TRIM49B: variants seen among roughly 807,000 people sequenced by gnomAD.
TRIM49B encodes putative tripartite motif-containing protein 49B.
A neutral mutation model predicts 31.8 loss-of-function variants in TRIM49B; 18 were observed. The ratio of observed to expected loss-of-function variants is 0.57; its 90% CI spans 0.39 to 0.84. The LOEUF (loss-of-function observed/expected upper bound fraction) is 0.84. TRIM49B is among the 40% of genes least tolerant of loss of function. TRIM49B has a pLI of 0.00. For synonymous variants in TRIM49B, 196 were observed against 180.6 expected, an observed-to-expected ratio of 1.09 and a Z score of -0.68; for missense variants, 494 against 538.7, an observed-to-expected ratio of 0.92 and a Z score of 0.82.
At position 49,037,710 on chromosome 11, in the gene TRIM49B, G is replaced by T; in HGVS notation, c.1092G>T (p.Glu364Asp). ...GTGTCTGTAATATGTATTGGAAAGA[G>T]AAGAATCAGAATGAGAAGATAGATG... ...AFGVCNMYWKEKNQNEKIDGE... is the reference protein window; with the variant it reads ...AFGVCNMYWKDKNQNEKIDGE... Residue 364 changes from glutamate (E) to aspartate (D), a missense_variant, in exon 7 of 7, where the codon GAG (glutamate) becomes GAT (aspartate). Physicochemically the swap from Glu to Asp is conservative, Grantham distance 45. Coordinates refer to ENST00000332682, the MANE Select transcript of TRIM49B (RefSeq NM_001206626.2). 4 of 1,613,946 alleles carry T rather than the reference G, an allele frequency of 2.5e-6. No individual in the cohort carries two copies. The highest frequency in any genetic ancestry group is 3.4e-6 in the Non-Finnish European group (4 of 1,179,846).
chr11:49,036,037 TA>T (rs1854525070), intron 5 of TRIM49B, among the ~76,000 whole-genome samples: 1 of 150,200 alleles, frequency 6.7e-6, no homozygotes, highest in Non-Finnish European at 1.5e-5. Context: ...CGTTTCTAAA[TA>T]TTCTCAAGGC....
chr11:49,034,788 G>C (rs1318498416), intron 4 of TRIM49B, among the ~76,000 whole-genome samples: 2 of 152,158 alleles, frequency 1.3e-5, no homozygotes, highest in Non-Finnish European at 2.9e-5. Context: ...TTGGGTAACA[G>C]GTTCAGTTAA....
At chr11:49,032,165 G>A in intron 2 of TRIM49B, 111 bp from the exon 3 acceptor site, 2 of 1,600,532 alleles carry the variant, frequency 1.2e-6, no homozygotes, top group Non-Finnish European at 8.5e-7. Context: ...TGACAAACAT[G>A]AAGGGAAACA....
chr11:49,035,659 CT>C (rs1210903973), intron 5 of TRIM49B, among the ~76,000 whole-genome samples: 1 of 151,992 alleles, frequency 6.6e-6, no homozygotes, highest in Non-Finnish European at 1.5e-5. Context: ...CGCCCGGCCC[CT>C]GATTTTGTTT....
chr11:49,035,051 T>C (rs1251091776), intron 4 of TRIM49B, 44 bp from the exon 5 acceptor site: 1 of 1,605,068 alleles, frequency 6.2e-7, no homozygotes, highest in Non-Finnish European at 8.5e-7. Flanking sequence ...GAAAGATGCA[T>C]CTTGTGAAAT....
intron 4 of TRIM49B, 146 bp downstream of exon 4, chr11:49,034,522 A>C: frequency 1.9e-6 from 3 of 1,557,844 alleles, no homozygotes; most frequent in Non-Finnish European, 2.6e-6. Flanking sequence ...TTGTTGGGAG[A>C]GTATAGCCCC....
intron 5 of TRIM49B, 104 bp downstream of exon 5, chr11:49,035,221 G>A: frequency 1.3e-6 from 2 of 1,525,886 alleles, no homozygotes; most frequent in Admixed American, 2.1e-5. Flanking sequence ...AAATAATTAA[G>A]ATATTGATAC....
intron 1 of TRIM49B, among the ~76,000 whole-genome samples, chr11:49,030,997 C>CT (rs60069261): frequency 0.78 from 115,337 of 147,104 alleles, 45,371 homozygotes; most frequent in Non-Finnish European, 0.81. Flanking sequence ...GGTTGGTGGG[C>CT]TTTTTTTTTT....
At chr11:49,035,501 A>G (rs751253646) in intron 5 of TRIM49B, among the ~76,000 whole-genome samples, 150 of 151,552 alleles carry the variant, frequency 9.9e-4, no homozygotes, top group Non-Finnish European at 1.8e-3. Flanking sequence ...CGGGGACTAC[A>G]GGCGCCCGCC....
At chr11:49,035,650 G>A (rs547506361) in intron 5 of TRIM49B, among the ~76,000 whole-genome samples, 8 of 151,996 alleles carry the variant, frequency 5.3e-5, no homozygotes, top group East Asian at 1.9e-4. Flanking sequence ...GAACCACCGC[G>A]CCCGGCCCCT....
chr11:49,034,340 C>G lies in TRIM49B; in HGVS notation c.702C>G (p.Asn234Lys), dbSNP rs575723731. ...EILRGMYEELNEMCHKPDVEL... is the reference protein window; with the variant it reads ...EILRGMYEELKEMCHKPDVEL... ...TAAGAGGAATGTATGAGGAGCTGAA[C>G]GAAATGTGCCATAAACCAGATGTGG... Residue 234 changes from asparagine to lysine, a missense_variant, in exon 4 of 7, where the codon AAC becomes AAG. Transcript: ENST00000332682. 244 of 1,611,936 alleles carry G rather than the reference C, an allele frequency of 1.5e-4. No homozygotes were observed. Among genetic ancestry groups the G allele is most frequent in the East Asian group, 5.6e-4 (25 of 44,876 alleles).
Position 49,038,062 on chromosome 11 carries a change from G to A in TRIM49B, c.*85G>A. ...CTCTTCCTTGTGCCTTAACATACAG[G>A]ACAAATAGGCTCTATTTTATATCTT... On this transcript the variant is annotated 3_prime_UTR_variant, in exon 7 of 7. Transcript: ENST00000332682. 1 of 1,559,674 alleles carries A rather than the reference G, an allele frequency of 6.4e-7. No homozygotes were observed. The highest frequency in any genetic ancestry group is 8.6e-7 in the Non-Finnish European group (1 of 1,160,638).
chr11:49,035,505 G>C (rs1446893706), intron 5 of TRIM49B, among the ~76,000 whole-genome samples: 1 of 151,440 alleles, frequency 6.6e-6, no homozygotes, highest in Non-Finnish European at 1.5e-5. Context: ...GACTACAGGC[G>C]CCCGCCACCA....
At chr11:49,032,534 A>G (rs1213293904) in intron 3 of TRIM49B, among the ~76,000 whole-genome samples, 163 bp downstream of exon 3, 4 of 152,144 alleles carry the variant, frequency 2.6e-5, no homozygotes, top group Admixed American at 1.3e-4. Flanking sequence ...CCTCATTTTT[A>G]TATAGAATAG....
Position 49,034,267 on chromosome 11 carries a change from A to T in TRIM49B, c.629A>T (p.His210Leu). ...AAAAAGAAGGGGAAAGATATTTTTC[A>T]TCGACTTCATTTAAGTAAAGCCAAA... Reference protein sequence around the residue: ...MLKKKGKDIFHRLHLSKAKMA... With the variant: ...MLKKKGKDIFLRLHLSKAKMA... Residue 210 changes from histidine to leucine, a missense_variant, in exon 4 of 7, where the codon CAT becomes CTT. Around this residue, in one of 3 missense-constraint regions of TRIM49B, gnomAD observed 10 missense variants for 24.5 expected, o/e 0.41. Coordinates refer to ENST00000332682, the MANE Select transcript of TRIM49B (RefSeq NM_001206626.2). The T allele has an allele frequency of 6.2e-7, 1 of 1,611,992 alleles. No individual in the cohort carries two copies. Among genetic ancestry groups the T allele is most frequent in the Non-Finnish European group, 8.5e-7 (1 of 1,179,834 alleles).
chr11:49,034,328 T>C lies in TRIM49B; in HGVS notation c.690T>C (p.Tyr230=), dbSNP rs776956909. 3 of 1,611,970 alleles carry C rather than the reference T, an allele frequency of 1.9e-6. No individual in the cohort carries two copies. Among genetic ancestry groups the C allele is most frequent in the Admixed American group, 1.7e-5 (1 of 60,014 alleles). ...AHRREILRGM[Y]EELNEMCHKP... ...GGAGGGAGATTTTAAGAGGAATGTA[T>C]GAGGAGCTGAACGAAATGTGCCATA... Residue 230 remains tyrosine, a synonymous_variant, in exon 4 of 7, where the codon TAT becomes TAC. Coordinates refer to ENST00000332682, the MANE Select transcript of TRIM49B (RefSeq NM_001206626.2).
At chr11:49,031,150 T>C (rs533094083) in intron 1 of TRIM49B, among the ~76,000 whole-genome samples, 1 of 152,270 alleles carries the variant, frequency 6.6e-6, no homozygotes, top group South Asian at 2.1e-4. Flanking sequence ...TCTATAAAAA[T>C]ATGTCATAGA....
At chr11:49,032,998 C>T (rs1378192640) in intron 3 of TRIM49B, among the ~76,000 whole-genome samples, 1 of 152,022 alleles carries the variant, frequency 6.6e-6, no homozygotes, top group East Asian at 1.9e-4. Flanking sequence ...ACTCTGAGGA[C>T]TTCAGAAAAA....
At position 49,038,153 on chromosome 11, in the gene TRIM49B, A is replaced by G; in HGVS notation, c.*176A>G. ...ACTATTAAATATGCTGAAAACACTA[A>G]AAGTATATGTATTGGTTCTTTATTA... On this transcript the variant is annotated 3_prime_UTR_variant, in exon 7 of 7. Coordinates refer to ENST00000332682, the MANE Select transcript of TRIM49B (RefSeq NM_001206626.2). 7.3e-7 allele frequency: 1 copy of G among 1,369,390 alleles called. No homozygotes were observed. The highest frequency in any genetic ancestry group is 9.8e-7 in the Non-Finnish European group (1 of 1,020,214). 84.8% of individuals were successfully genotyped at this position (1,369,390 alleles called of 1,614,324 possible).
Sources: allele counts gnomAD v4.1 joint callset (sites outside exome capture counted in the v4.1 genomes callset), GRCh38; gene constraint gnomAD v4.1.1; regional missense constraint gnomAD v4.1.1; transcripts MANE v1.5; gene names NCBI Gene and HGNC (gene_info 2026-07-23, HGNC 2026-07-21).